Variants in AIFM3 observed in about 807,000 individuals in gnomAD.
AIFM3 encodes AIF family member 3.
Under a neutral mutation model 82.7 loss-of-function variants are expected in AIFM3, and 71 were observed. The observed-to-expected ratio is 0.86, with a 90% CI of 0.71 to 1.05. The LOEUF (loss-of-function observed/expected upper bound fraction) is 1.05, where lower values mean the gene tolerates loss of function less well. AIFM3 is among the 50% of genes least tolerant of loss of function. AIFM3 has a pLI of 0.00. For missense variants in AIFM3, 748 were observed against 816.7 expected, an observed-to-expected ratio of 0.92 and a Z score of 1.03; for synonymous variants, 337 against 329.1, an observed-to-expected ratio of 1.02 and a Z score of -0.26.
At chr22:20,975,007 G>A (rs974069390) in intron 8 of AIFM3, among the ~76,000 whole-genome samples, 191 bp downstream of exon 8, 4 of 152,224 alleles carry the variant, frequency 2.6e-5, no homozygotes, top group South Asian at 2.1e-4. Flanking sequence ...CTGTCGCCCA[G>A]GCTGGGATGC....
chr22:20,968,126 G>A, intron 2 of AIFM3, 151 bp downstream of exon 2: 1 of 802,168 alleles, frequency 1.2e-6, no homozygotes, highest in Middle Eastern at 2.8e-4. Flanking sequence ...GCTGCCGCCA[G>A]GAGGGGGTAG....
intron 18 of AIFM3, 59 bp from the exon 19 acceptor site, chr22:20,979,961 G>A (rs2147952020): frequency 6.6e-7 from 1 of 1,522,732 alleles, no homozygotes; most frequent in East Asian, 2.4e-5. Flanking sequence ...GTGCATCAGG[G>A]TTTTCAAAAA....
Position 20,976,857 on chromosome 22 carries a change from G to A in AIFM3, c.1147-10G>A, listed in dbSNP as rs1923713879. 6.3e-7 allele frequency: 1 copy of A among 1,597,944 alleles called. No individual in the cohort carries two copies. Among genetic ancestry groups the A allele is most frequent in the South Asian group, 1.1e-5 (1 of 88,810 alleles). On this transcript the variant is annotated splice_polypyrimidine_tract_variant and intron_variant, in intron 12 of 20. Transcript: ENST00000440238. The stretch of plus-strand genomic sequence containing the variant: ...TCATCCACCGCCCACCTGCCCACTT[G>A]CCCTGACAGATGTTTGAGAACAACC...
At chr22:20,966,211 G>A (rs370041583), upstream of AIFM3, among the ~76,000 whole-genome samples, 10 of 152,302 alleles carry the variant, frequency 6.6e-5, no homozygotes, top group African/African-American at 2.4e-4. Context: ...GGCCCATCAG[G>A]TGAGGCCTGA....
At position 20,976,933 on chromosome 22, in the gene AIFM3, G is replaced by A. The variant is rs1352592793; in HGVS notation, c.1213G>A (p.Gly405Arg). The change falls in exon 13 of 21, where the codon GGA (glycine) becomes AGA (arginine). Residue 405 changes from glycine to arginine, a missense_variant. Gly to Arg is a moderately radical substitution (Grantham distance 125). Around this residue, in one of 5 missense-constraint regions of AIFM3, gnomAD observed 393 missense variants for 481.1 expected, o/e 0.82. Coordinates refer to ENST00000440238, the MANE Select transcript of AIFM3 (RefSeq NM_001386814.1). ...TEVSELRGQE[G>R]KLKEVVLKSS... ...GGTGTCTGAGCTGCGGGGCCAGGAGGGAAAGGTGGGCCCTTCTCCCTTCTC... is the reference window on the plus strand; with the variant it reads ...GGTGTCTGAGCTGCGGGGCCAGGAGAGAAAGGTGGGCCCTTCTCCCTTCTC... The A allele has an allele frequency of 3.1e-6, 5 of 1,611,550 alleles. No individual in the cohort carries two copies. Among genetic ancestry groups the A allele is most frequent in the South Asian group, 2.2e-5 (2 of 91,008 alleles).
intron 12 of AIFM3, 39 bp from the exon 13 acceptor site, chr22:20,976,828 G>A (rs1923711479): frequency 6.3e-7 from 1 of 1,592,822 alleles, no homozygotes; most frequent in African/African-American, 1.3e-5. Flanking sequence ...CCCTGGCTGG[G>A]CTCTCATCCA....
upstream of AIFM3, among the ~76,000 whole-genome samples, chr22:20,966,075 C>A (rs918162286): frequency 6.6e-6 from 1 of 152,134 alleles, no homozygotes; most frequent in Non-Finnish European, 1.5e-5. Context: ...GGCACAGGGG[C>A]CCCACCCAGT....
intron 2 of AIFM3, among the ~76,000 whole-genome samples, chr22:20,968,951 G>A (rs933416213): frequency 2.0e-5 from 3 of 152,140 alleles, no homozygotes; most frequent in African/African-American, 4.8e-5. Flanking sequence ...GGGCTGTGAT[G>A]ACCCACCAGG....
chr22:20,967,770 CG>C, intron 1 of AIFM3, 34 bp from the exon 2 acceptor site: 2 of 643,722 alleles, frequency 3.1e-6, no homozygotes, highest in Non-Finnish European at 5.5e-6. Flanking sequence ...CCTGCCCACA[CG>C]CCCCGGTCCT....
rs140853714 is a variant in AIFM3, at chr22:20,977,898, C to G, written c.1370C>G (p.Thr457Ser). 2.6e-3 allele frequency: 4,274 copies of G among 1,614,180 alleles called. 12 individuals carry two copies. The highest frequency in any genetic ancestry group is 3.5e-3 in the Non-Finnish European group (4,115 of 1,180,024). ...GCCCTCTCTCTACAGATGATGCAGA[C>G]CAATGTCCCAGGCGTGTTTGCAGCT... ...GFIPVNKMMQ[T>S]NVPGVFAAGD... Residue 457 changes from threonine (T) to serine (S), a missense_variant, in exon 16 of 21, where the codon ACC becomes AGC. By Grantham distance (58) the Thr-to-Ser change is moderately conservative. Around this residue, in one of 5 missense-constraint regions of AIFM3, gnomAD observed 393 missense variants for 481.1 expected, o/e 0.82. Coordinates refer to ENST00000440238, the MANE Select transcript of AIFM3 (RefSeq NM_001386814.1).
intron 2 of AIFM3, 67 bp downstream of exon 2, chr22:20,968,042 C>A: frequency 6.7e-7 from 1 of 1,489,120 alleles, no homozygotes; most frequent in Non-Finnish European, 9.1e-7. Flanking sequence ...CCGTCTCCCC[C>A]CCCTCCCCCT....
At chr22:20,977,224 C>T (rs1232183768) in intron 14 of AIFM3, 129 bp downstream of exon 14, 2 of 1,267,680 alleles carry the variant, frequency 1.6e-6, no homozygotes, top group African/African-American at 3.0e-5. Flanking sequence ...ATGGGAACCC[C>T]CAACCGCCCC....
intron 19 of AIFM3, 160 bp downstream of exon 19, chr22:20,980,284 G>A: frequency 3.0e-6 from 2 of 657,984 alleles, no homozygotes; most frequent in East Asian, 5.5e-5. Context: ...GTGGGGCAAG[G>A]ATCATGGTTT....
chr22:20,977,788 G>A lies in AIFM3; in HGVS notation c.1359+12G>A, dbSNP rs1231652322. On this transcript the variant is annotated intron_variant, in intron 15 of 20. Coordinates refer to ENST00000440238, the MANE Select transcript of AIFM3 (RefSeq NM_001386814.1). ...TCCCTGTCAACAAGGTGGGGTGGAT[G>A]GCACTGGGTGGGGAGGACCCGGTGC... 9 of 1,614,070 alleles carry A rather than the reference G, an allele frequency of 5.6e-6. No homozygotes were observed. The highest frequency in any genetic ancestry group is 7.6e-6 in the Non-Finnish European group (9 of 1,180,036).
rs760093700 is a variant in AIFM3 at position 20,967,913 on chromosome 22, C to G, written c.-32C>G. The G allele has an allele frequency of 6.2e-7, 1 of 1,613,918 alleles. No individual in the cohort carries two copies. The highest frequency in any genetic ancestry group is 1.1e-5 in the South Asian group (1 of 91,096). ...CCTCCGACAGCTCCCCATCTGTGCT[C>G]CTGCCTGCCGGCCATCCTCAGGCCA... On this transcript the variant is annotated 5_prime_UTR_variant, in exon 2 of 21. Transcript: ENST00000440238.
chr22:20,974,421 G>A, intron 6 of AIFM3, 104 bp from the exon 7 acceptor site: 1 of 1,557,188 alleles, frequency 6.4e-7, no homozygotes. Flanking sequence ...GCAGAGTGAG[G>A]GGTTGCGGTA....
At chr22:20,968,075 G>A (rs1923029939) in intron 2 of AIFM3, 100 bp downstream of exon 2, 4 of 1,315,008 alleles carry the variant, frequency 3.0e-6, no homozygotes, top group Non-Finnish European at 4.2e-6. Context: ...GGCCTCCGAA[G>A]TAGGTCAGGC....
chr22:20,975,739 T>C lies in AIFM3; in HGVS notation c.768T>C (p.Phe256=), dbSNP rs760423125. Residue 256 remains phenylalanine (F), a synonymous_variant, in exon 9 of 21, where the codon TTT becomes TTC. Transcript: ENST00000440238. Reference sequence around the variant, plus strand: ...AGCTGGCCCTGAGGCCCAAGGAGTTTTTCCGAGCCTATGGCATCGAGGTGC... The same window carrying C: ...AGCTGGCCCTGAGGCCCAAGGAGTTCTTCCGAGCCTATGGCATCGAGGTGC... ...PEQLALRPKE[F]FRAYGIEVLT... is the part of the protein sequence containing the mutation. 1.9e-6 allele frequency: 3 copies of C among 1,613,540 alleles called. No homozygotes were observed. The highest frequency in any genetic ancestry group is 2.2e-5 in the East Asian group (1 of 44,892).
Position 20,976,438 on chromosome 22 carries a change from A to C in AIFM3, c.930A>C (p.Glu310Asp), listed in dbSNP as rs1180024338. Residue 310 changes from glutamate to aspartate, a missense_variant, in exon 11 of 21, where the codon GAA (glutamate) becomes GAC (aspartate). By Grantham distance (45) the Glu-to-Asp change is conservative. Transcript: ENST00000440238. Reference sequence around the variant, plus strand: ...AGACTCTGAGCTGCAAAGGCAAAGAAGTGGAGAACGTGTTCACTATCCGGA... The same window carrying C: ...AGACTCTGAGCTGCAAAGGCAAAGACGTGGAGAACGTGTTCACTATCCGGA... ...SPKTLSCKGK[E>D]VENVFTIRTP... The C allele has an allele frequency of 6.2e-7, 1 of 1,613,978 alleles. No individual in the cohort carries two copies. Among genetic ancestry groups the C allele is most frequent in the Non-Finnish European group, 8.5e-7 (1 of 1,180,036 alleles).
Sources: allele counts gnomAD v4.1 joint callset (sites outside exome capture counted in the v4.1 genomes callset), GRCh38; gene constraint gnomAD v4.1.1; regional missense constraint gnomAD v4.1.1; transcripts MANE v1.5; gene names NCBI Gene and HGNC (gene_info 2026-07-23, HGNC 2026-07-21).